PIEZO2: variants seen among roughly 807,000 people sequenced by gnomAD.
The protein encoded by PIEZO2 is piezo-type mechanosensitive ion channel component 2.
PIEZO2 carries 172 observed loss-of-function variants against 337.3 expected under a neutral mutation model. The ratio of observed to expected loss-of-function variants is 0.51; its 90% CI spans 0.45 to 0.58. The LOEUF is 0.58. PIEZO2 is among the 20% of genes least tolerant of loss of function. The pLI, the probability that PIEZO2 is intolerant of heterozygous loss-of-function variation, is 0.00. For missense variants in PIEZO2, 3,028 were observed against 3,391.3 expected (o/e 0.89, Z 2.66); for synonymous variants, 1,251 against 1,228.5 (o/e 1.02, Z -0.38).
In PIEZO2 at chr18:10,827,232, AT is replaced by A. The variant is rs560800425; in HGVS notation, c.918-19959del. 3.9e-5 allele frequency among the ~76,000 whole-genome samples: 6 copies of A among 152,184 alleles called. No individual in the cohort carries two copies. The South Asian group carries it at 1.0e-3, about 26-fold the overall frequency. On this transcript the variant is annotated intron_variant, in intron 7 of 55. Transcript: ENST00000674853. ...CTTTATTTTTTTCTGAAATATTTAG[AT>A]TTTTTTCCAATGAGTGTGCATCGCC...
Position 10,784,873 on chromosome 18 carries a change from G to C in PIEZO2, c.2403C>G (p.Cys801Trp). The C allele has an allele frequency of 6.5e-7, 1 of 1,537,640 alleles. No homozygotes were observed. The highest frequency in any genetic ancestry group is 2.4e-5 in the East Asian group (1 of 40,900). ...IFIPTSFLLVCILHLHYFHDR... is the reference protein window; with the variant it reads ...IFIPTSFLLVWILHLHYFHDR... ...CATGGAAGTAGTGCAGGTGTAAAAT[G>C]CACACCAGCAGAAAGGAGGTTGGGA... Residue 801 changes from cysteine (C) to tryptophan (W), a missense_variant, in exon 17 of 56, where the codon TGC (cysteine) becomes TGG (tryptophan). Coordinates refer to ENST00000674853, the MANE Select transcript of PIEZO2 (RefSeq NM_001378183.1). The surrounding 1 kb of genome is among the most constrained non-coding windows in gnomAD (Gnocchi z 4.5).
At chr18:10,812,830 G>C (rs78649244) in intron 7 of PIEZO2, among the ~76,000 whole-genome samples, 1,742 of 152,192 alleles carry the variant, frequency 0.011, 36 homozygotes, top group African/African-American at 0.04. Flanking sequence ...ACCTCCACCT[G>C]TTTTCAGGTG....
intron 1 of PIEZO2, among the ~76,000 whole-genome samples, chr18:11,141,388 T>C (rs1599022661): frequency 1.3e-5 from 2 of 151,962 alleles, no homozygotes; most frequent in Middle Eastern, 3.4e-3. Flanking sequence ...CGGAAGAAGA[T>C]TCTGGGGGGC....
chr18:10,897,698 C>T (rs2042939057), intron 4 of PIEZO2, among the ~76,000 whole-genome samples: 1 of 152,146 alleles, frequency 6.6e-6, no homozygotes, highest in African/African-American at 2.4e-5. Flanking sequence ...CAAACTAATA[C>T]ATTTAAACAC....
intron 2 of PIEZO2, among the ~76,000 whole-genome samples, chr18:11,026,890 G>C (rs572296892): frequency 6.6e-6 from 1 of 152,310 alleles, no homozygotes; most frequent in South Asian, 2.1e-4. Flanking sequence ...GAAAAAAGAG[G>C]CAAGAGTGTG....
intron 3 of PIEZO2, among the ~76,000 whole-genome samples, chr18:10,957,528 A>C (rs867169225): frequency 1.5e-4 from 23 of 152,338 alleles, no homozygotes; most frequent in African/African-American, 5.5e-4. Context: ...TGAAATGAGC[A>C]CAAGACATAA....
intron 7 of PIEZO2, among the ~76,000 whole-genome samples, chr18:10,809,644 A>C (rs1266997319): frequency 6.6e-6 from 1 of 151,948 alleles, no homozygotes. Flanking sequence ...AGAAATTTGT[A>C]CTTGAAGTTC....
rs552434678 is a variant in PIEZO2 at position 10,877,382 on chromosome 18, T to A, written c.330-5967A>T. On this transcript the variant is annotated intron_variant, in intron 4 of 55. Coordinates refer to ENST00000674853, the MANE Select transcript of PIEZO2 (RefSeq NM_001378183.1). This position sits in a 1 kb window ranked among gnomAD's most constrained non-coding sequence, Gnocchi z 5.3. The stretch of plus-strand genomic sequence containing the variant: ...AAGAAATGGTTTTAAGGGCAAATAA[T>A]GTAATGCCCAGTCCAACTCGTCCGC... 6.6e-6 allele frequency among the ~76,000 whole-genome samples: 1 copy of A among 152,234 alleles called. No individual in the cohort carries two copies. The highest frequency in any genetic ancestry group is 1.5e-5 in the Non-Finnish European group (1 of 68,040).
intron 7 of PIEZO2, among the ~76,000 whole-genome samples, chr18:10,843,356 T>A (rs1230172819): frequency 2.0e-5 from 3 of 152,058 alleles, no homozygotes; most frequent in African/African-American, 4.8e-5. Flanking sequence ...GCTAAGTAAT[T>A]GTTTTATTTC....
intron 45 of PIEZO2, among the ~76,000 whole-genome samples, chr18:10,696,903 T>C (rs1434578670): frequency 3.9e-5 from 6 of 152,186 alleles, no homozygotes; most frequent in African/African-American, 1.4e-4. Flanking sequence ...CCTCTGTGTT[T>C]AGTTTTCTCA....
At chr18:10,797,162 A>G (rs748046915) in intron 12 of PIEZO2, among the ~76,000 whole-genome samples, 1 of 151,778 alleles carries the variant, frequency 6.6e-6, no homozygotes, top group Non-Finnish European at 1.5e-5. Flanking sequence ...TATTATACAT[A>G]TCATCATATT....
Position 10,854,423 on chromosome 18 carries a change from A to G in PIEZO2, c.917+930T>C, listed in dbSNP as rs1307785951. 6.6e-6 allele frequency among the ~76,000 whole-genome samples: 1 copy of G among 152,122 alleles called. No homozygotes were observed. Among genetic ancestry groups the G allele is most frequent in the Non-Finnish European group, 1.5e-5 (1 of 68,022 alleles). The stretch of plus-strand genomic sequence containing the variant: ...CCACGACCTTTATAGTAATTATTTC[A>G]GGTGTGGACATAATAGAACATATCA... On this transcript the variant is annotated intron_variant, in intron 7 of 55. Transcript: ENST00000674853. The surrounding 1 kb of genome is among the most constrained non-coding windows in gnomAD (Gnocchi z 4.6).
intron 2 of PIEZO2, among the ~76,000 whole-genome samples, chr18:11,057,633 C>G (rs181904058): frequency 2.0e-5 from 3 of 152,298 alleles, no homozygotes; most frequent in Admixed American, 2.0e-4. Flanking sequence ...AGATAGCTCC[C>G]TGGTACCATT....
At position 10,724,077 on chromosome 18, in the gene PIEZO2, A is replaced by G. The variant is rs1191605326; in HGVS notation, c.5030-5818T>C. Among the ~76,000 whole-genome samples the G allele has an allele frequency of 1.3e-5, 2 of 152,066 alleles. No individual in the cohort carries two copies. Among genetic ancestry groups the G allele is most frequent in the African/African-American group, 4.8e-5 (2 of 41,392 alleles). On this transcript the variant is annotated intron_variant, in intron 36 of 55. Coordinates refer to ENST00000674853, the MANE Select transcript of PIEZO2 (RefSeq NM_001378183.1). This position sits in a 1 kb window ranked among gnomAD's most constrained non-coding sequence, Gnocchi z 5.8. ...CAGGCAGCTGTGGCTGCACTGTACC[A>G]CCTCCCAGATTAAGTGAGTGCTGAG... is the stretch of plus-strand genomic sequence containing the variant.
intron 2 of PIEZO2, among the ~76,000 whole-genome samples, chr18:10,986,307 C>A (rs1348369656): frequency 6.6e-6 from 1 of 151,836 alleles, no homozygotes; most frequent in East Asian, 1.9e-4. Context: ...GGCCAATATC[C>A]CTGATGAACA....
At chr18:10,889,182 G>C (rs2042688438) in intron 4 of PIEZO2, among the ~76,000 whole-genome samples, 1 of 152,190 alleles carries the variant, frequency 6.6e-6, no homozygotes, top group South Asian at 2.1e-4. Context: ...CATCTTCTAG[G>C]TTTCAAATTC....
intron 2 of PIEZO2, among the ~76,000 whole-genome samples, chr18:11,023,272 G>C (rs148875926): frequency 2.6e-5 from 4 of 152,208 alleles, no homozygotes; most frequent in African/African-American, 7.2e-5. Context: ...ACAGAGAGCC[G>C]AGTGGTCTGT....
At chr18:10,732,203 C>A (rs2036816275) in intron 35 of PIEZO2, among the ~76,000 whole-genome samples, 1 of 152,028 alleles carries the variant, frequency 6.6e-6, no homozygotes, top group Non-Finnish European at 1.5e-5. Flanking sequence ...TGAAGAGCCC[C>A]CATACCAAGA....
Position 10,672,809 on chromosome 18 carries a change from C to G in PIEZO2, c.8226G>C (p.Glu2742Asp). Residue 2742 changes from glutamate to aspartate, a missense_variant, in exon 55 of 56, where the codon GAG becomes GAC. Physicochemically the swap from Glu to Asp is conservative, Grantham distance 45. Coordinates refer to ENST00000674853, the MANE Select transcript of PIEZO2 (RefSeq NM_001378183.1). The surrounding 1 kb of genome is among the most constrained non-coding windows in gnomAD (Gnocchi z 4.7). The part of the protein sequence containing the change: ...SRDNTTKYNS[E>D]WWVLNLTGNR... The stretch of plus-strand genomic sequence containing the variant: ...TTCCAGTCAGGTTGAGAACCCACCA[C>G]TCACTGTTATATTTAGTTGTATTGT... 6.2e-7 allele frequency: 1 copy of G among 1,613,078 alleles called. No individual in the cohort carries two copies. The highest frequency in any genetic ancestry group is 1.1e-5 in the South Asian group (1 of 91,058).
Sources: gnomAD v4.1 joint callset for allele counts (sites outside exome capture counted in the v4.1 genomes callset) on GRCh38, gnomAD v4.1.1 for gene constraint, Gnocchi (gnomAD v3.1) non-coding constraint, MANE v1.5 for transcripts, NCBI Gene and HGNC (gene_info 2026-07-23, HGNC 2026-07-21) for gene names.